Variants in PRPSAP2 observed in about 807,000 individuals in gnomAD.
PRPSAP2 encodes phosphoribosyl pyrophosphate synthase-associated protein 2.
In PRPSAP2, 24 loss-of-function variants were observed where a neutral mutation model predicts 40.6. That is an observed-to-expected ratio of 0.59 (90% CI 0.43 to 0.83). PRPSAP2 has a LOEUF of 0.83. Ranked by LOEUF, PRPSAP2 falls within the 40% of genes least tolerant of loss-of-function variation. The probability of loss-of-function intolerance (pLI) is 0.00; values close to 1 mark genes in which losing one functional copy is unlikely to be tolerated. For missense variants in PRPSAP2, 292 were observed against 465.6 expected (o/e 0.63, Z 3.43); for synonymous variants, 149 against 164.7 (o/e 0.90, Z 0.73).
At chr17:18,857,580 AT>A (rs35569332), upstream of PRPSAP2, among the ~76,000 whole-genome samples, 57 of 142,362 alleles carry the variant, frequency 4.0e-4, no homozygotes, top group African/African-American at 4.4e-4. Context: ...CGCCTGGCTA[AT>A]TTTTTTTTTT....
chr17:18,874,380 A>G (rs1217724287), intron 5 of PRPSAP2, among the ~76,000 whole-genome samples: 1 of 152,208 alleles, frequency 6.6e-6, no homozygotes, highest in Non-Finnish European at 1.5e-5. Context: ...TAATTTGTGT[A>G]TATACATATA....
At chr17:18,917,320 C>T (rs2041376330) in intron 9 of PRPSAP2, 1 of 150,872 alleles carries the variant, frequency 6.6e-6, no homozygotes, top group Non-Finnish European at 1.5e-5. Flanking sequence ...GAAGTGGTTA[C>T]AATTTGGGGC....
intron 8 of PRPSAP2, among the ~76,000 whole-genome samples, chr17:18,902,962 C>T (rs745579943): frequency 9.2e-5 from 14 of 151,572 alleles, no homozygotes; most frequent in Non-Finnish European, 1.5e-4. Flanking sequence ...TGCCAGCCAT[C>T]GTGGATGTGG....
At chr17:18,924,708 G>A (rs572985567) in intron 10 of PRPSAP2, among the ~76,000 whole-genome samples, 2 of 151,318 alleles carry the variant, frequency 1.3e-5, no homozygotes, top group South Asian at 4.2e-4. Context: ...CTCAGAGGTT[G>A]CAGTGAGCCG....
intron 7 of PRPSAP2, among the ~76,000 whole-genome samples, chr17:18,887,507 G>T (rs2039250348): frequency 1.3e-5 from 2 of 151,020 alleles, no homozygotes; most frequent in Admixed American, 6.6e-5. Context: ...GGGATTATGG[G>T]CATGAGCCAC....
intron 7 of PRPSAP2, among the ~76,000 whole-genome samples, chr17:18,884,570 C>G (rs2038995667): frequency 6.6e-6 from 1 of 152,090 alleles, no homozygotes; most frequent in East Asian, 1.9e-4. Context: ...AAACTCCTGG[C>G]CTCAAGCGAT....
chr17:18,891,932 CTGCAA>C (rs1173847882), intron 8 of PRPSAP2, among the ~76,000 whole-genome samples: 1 of 152,232 alleles, frequency 6.6e-6, no homozygotes, highest in African/African-American at 2.4e-5. Context: ...TCTCAGCTCA[CTGCAA>C]CCTCCGCCTC....
At chr17:18,909,725 C>A (rs1237375378) in intron 8 of PRPSAP2, among the ~76,000 whole-genome samples, 2 of 151,272 alleles carry the variant, frequency 1.3e-5, no homozygotes, top group African/African-American at 4.9e-5. Flanking sequence ...GCCAACATGA[C>A]AAAACCCCGT....
At chr17:18,882,491 A>G (rs1717162998) in intron 6 of PRPSAP2, 77 bp from the exon 7 acceptor site, 2 of 927,268 alleles carry the variant, frequency 2.2e-6, no homozygotes, top group Admixed American at 4.0e-5. Context: ...AGCCTGGGTG[A>G]CAGAATGGGA....
chr17:18,927,355 CCT>C (rs1426608869), intron 10 of PRPSAP2, among the ~76,000 whole-genome samples: 1 of 152,030 alleles, frequency 6.6e-6, no homozygotes, highest in African/African-American at 2.4e-5. Context: ...TGATCTGTCC[CCT>C]GTCTTTCTAA....
intron 7 of PRPSAP2, among the ~76,000 whole-genome samples, chr17:18,886,983 C>T (rs1187425453): frequency 8.2e-6 from 1 of 122,512 alleles, no homozygotes; most frequent in Non-Finnish European, 1.6e-5. Context: ...GTTGCCCAGG[C>T]TGGAGTGCAG....
chr17:18,891,159 G>A (rs949862610), intron 8 of PRPSAP2, among the ~76,000 whole-genome samples: 2 of 152,214 alleles, frequency 1.3e-5, no homozygotes, highest in African/African-American at 2.4e-5. Context: ...GAAAGAAAGT[G>A]TAGGGTGCCT....
chr17:18,896,580 CTTTTTTT>C lies in PRPSAP2; in HGVS notation c.584+6717_584+6723del, dbSNP rs58391876. ...TGGCCATCTCATTCCCCAGATTTTC[CTTTTTTT>C]TTTTTTTTTTTTTGTCTAGCCCCTT... is the stretch of plus-strand genomic sequence containing the variant. On this transcript the variant is annotated intron_variant, in intron 8 of 11. Coordinates refer to ENST00000268835, the MANE Select transcript of PRPSAP2 (RefSeq NM_002767.4). 9.4e-4 allele frequency among the ~76,000 whole-genome samples: 98 copies of C among 104,762 alleles called. 1 individual carries two copies. The highest frequency in any genetic ancestry group is 2.9e-3 in the East Asian group (11 of 3,746). The allele number at this position is 104,762 out of a possible 152,430, so 68.7% of individuals were successfully genotyped here. A position where few individuals can be genotyped will look rare whatever the true frequency, so the allele number is the denominator to read the frequency against.
At position 18,874,297 on chromosome 17, in the gene PRPSAP2, T is replaced by A. The variant is rs148699365; in HGVS notation, c.239+1648T>A. ...TATGAAGTTCTTCGCTCAGAACAATTTTTAATGTCTAGAAATCAGTTTGTC... is the reference window on the plus strand; with the variant it reads ...TATGAAGTTCTTCGCTCAGAACAATATTTAATGTCTAGAAATCAGTTTGTC... On this transcript the variant is annotated intron_variant, in intron 5 of 11. Coordinates refer to ENST00000268835, the MANE Select transcript of PRPSAP2 (RefSeq NM_002767.4). Among the ~76,000 whole-genome samples, 1,308 of 152,324 alleles carry A rather than the reference T, an allele frequency of 8.6e-3. 10 individuals carry two copies. Among genetic ancestry groups the A allele is most frequent in the Admixed American group, 0.015 (225 of 15,296 alleles).
chr17:18,868,117 AAAATAAAT>A (rs68125483), intron 4 of PRPSAP2, among the ~76,000 whole-genome samples: 9,653 of 152,110 alleles, frequency 0.063, 436 homozygotes, highest in Middle Eastern at 0.12. Context: ...CCCTGTCTCA[AAAATAAAT>A]AAATAAATAA....
At chr17:18,895,357 G>A (rs1467086871) in intron 8 of PRPSAP2, among the ~76,000 whole-genome samples, 2 of 151,622 alleles carry the variant, frequency 1.3e-5, no homozygotes, top group Non-Finnish European at 2.9e-5. Context: ...GGGATTGCAG[G>A]CATGAGCCAT....
At chr17:18,870,926 C>T (rs999590169) in intron 4 of PRPSAP2, among the ~76,000 whole-genome samples, 1 of 151,938 alleles carries the variant, frequency 6.6e-6, no homozygotes, top group Admixed American at 6.6e-5. Context: ...GCTGGGATTA[C>T]AGGTGTGAGA....
At chr17:18,865,990 A>G in intron 3 of PRPSAP2, 38 bp downstream of exon 3, 1 of 1,314,524 alleles carries the variant, frequency 7.6e-7, no homozygotes, top group East Asian at 2.9e-5. Context: ...TATATTCATT[A>G]TGTGATGCTT....
intron 1 of PRPSAP2, chr17:18,864,800 C>T (rs1205467190): frequency 6.6e-6 from 1 of 152,150 alleles, no homozygotes; most frequent in East Asian, 1.9e-4. Context: ...TGTTGCTGTT[C>T]CTCCCATCTA....
Sources: allele counts gnomAD v4.1 joint callset (sites outside exome capture counted in the v4.1 genomes callset), GRCh38; gene constraint gnomAD v4.1.1; transcripts MANE v1.5; gene names NCBI Gene and HGNC (gene_info 2026-07-23, HGNC 2026-07-21).